The following NSD2 variants were observed in gnomAD, a reference collection of about 807,000 sequenced individuals.
NSD2 encodes the protein histone-lysine N-methyltransferase NSD2.
In NSD2, 12 loss-of-function variants were observed where a neutral mutation model predicts 139.0. That is an observed-to-expected ratio of 0.09 (90% CI 0.06 to 0.14). NSD2 has a LOEUF of 0.14. Among genes scored for constraint, NSD2 ranks in the 10% least tolerant of loss-of-function variants. The pLI is 1.00. For missense variants in NSD2, 1,155 were observed against 1,745.0 expected (o/e 0.66, Z 6.02); for synonymous variants, 669 against 648.7 (o/e 1.03, Z -0.48).
At chr4:1,941,726 A>G (rs1014509466) in intron 9 of NSD2, 1 of 1,047,358 alleles carries the variant, frequency 9.5e-7, no homozygotes, top group Non-Finnish European at 1.2e-6. Flanking sequence ...TTTCCATTAA[A>G]CTACTTTTGT....
chr4:1,979,433 G>GT lies in NSD2; in HGVS notation c.*525dup, dbSNP rs1278473859. 7 of 233,536 alleles carry GT rather than the reference G, an allele frequency of 3.0e-5. No homozygotes were observed. The highest frequency in any genetic ancestry group is 5.9e-5 in the Non-Finnish European group (7 of 118,344). The allele number at this position is 233,536 out of a possible 1,614,324, so 14.5% of individuals were successfully genotyped here. ...ATTACTCTGCTCTTTGGAAATGGCT[G>GT]TATCATTTTTTTGTACTAATGTGAA... On this transcript the variant is annotated 3_prime_UTR_variant, in exon 22 of 22. Coordinates refer to ENST00000508803, the MANE Select transcript of NSD2 (RefSeq NM_001042424.3).
chr4:1,872,774 G>A (rs1372386302), intron 1 of NSD2, among the ~76,000 whole-genome samples: 1 of 152,050 alleles, frequency 6.6e-6, no homozygotes, highest in Non-Finnish European at 1.5e-5. Context: ...CATCACGCAT[G>A]GGTTATATTC....
intron 1 of NSD2, among the ~76,000 whole-genome samples, chr4:1,881,847 G>GC (rs1396423483): frequency 2.0e-5 from 3 of 152,214 alleles, no homozygotes; most frequent in African/African-American, 7.2e-5. Context: ...AGACACTAGA[G>GC]CAGGGAGCAG....
Position 1,918,125 on chromosome 4 carries a change from C to G in NSD2, c.928-16C>G. ...TTGTGTAGTGAAACTTACAGTGTCT[C>G]TTTTTTTTTTCCCAGCTATTGAAAC... On this transcript the variant is annotated splice_polypyrimidine_tract_variant and intron_variant, in intron 4 of 21. Transcript: ENST00000508803. 6.8e-7 allele frequency: 1 copy of G among 1,467,852 alleles called. No homozygotes were observed. Among genetic ancestry groups the G allele is most frequent in the Non-Finnish European group, 9.3e-7 (1 of 1,079,970 alleles). 90.9% of individuals were successfully genotyped at this position (1,467,852 alleles called of 1,614,324 possible). A position where few individuals can be genotyped will look rare whatever the true frequency, so the allele number is the denominator to read the frequency against.
rs947924710 is a variant in NSD2 at position 1,976,144 on chromosome 4, G to A, written c.3622-331G>A. On this transcript the variant is annotated intron_variant, in intron 20 of 21. Coordinates refer to ENST00000508803, the MANE Select transcript of NSD2 (RefSeq NM_001042424.3). The surrounding 1 kb of genome is among the most constrained non-coding windows in gnomAD (Gnocchi z 5.3). Reference sequence around the variant, plus strand: ...TGAGGAGACCCTGGGTGGCGGGCGGGAGCTGTTCTGCCTGTGGTGGCCTCC... The same window carrying A: ...TGAGGAGACCCTGGGTGGCGGGCGGAAGCTGTTCTGCCTGTGGTGGCCTCC... 6.6e-6 allele frequency among the ~76,000 whole-genome samples: 1 copy of A among 152,200 alleles called. No individual in the cohort carries two copies. The highest frequency in any genetic ancestry group is 2.4e-5 in the African/African-American group (1 of 41,458).
chr4:1,955,056 C>G lies in NSD2; in HGVS notation c.2339-105C>G, dbSNP rs1053030011. On this transcript the variant is annotated intron_variant, in intron 12 of 21. Transcript: ENST00000508803. This position sits in a 1 kb window ranked among gnomAD's most constrained non-coding sequence, Gnocchi z 4.7. ...ATCAAATACCTCCATTTCATTTTAG[C>G]ATTAACTTTTCAAATTCATGGAGGC... 2 of 1,216,100 alleles carry G rather than the reference C, an allele frequency of 1.6e-6. No individual in the cohort carries two copies. Among genetic ancestry groups the G allele is most frequent in the African/African-American group, 1.5e-5 (1 of 66,172 alleles). The allele number at this position is 1,216,100 out of a possible 1,614,324, so 75.3% of individuals were successfully genotyped here.
chr4:1,883,908 C>T (rs1235788416), intron 1 of NSD2, among the ~76,000 whole-genome samples: 1 of 152,194 alleles, frequency 6.6e-6, no homozygotes, highest in Non-Finnish European at 1.5e-5. Flanking sequence ...TGGTTTTCTA[C>T]ACAGTAGCCT....
chr4:1,910,060 A>G (rs939147608), intron 3 of NSD2, among the ~76,000 whole-genome samples: 3 of 152,200 alleles, frequency 2.0e-5, no homozygotes, highest in Non-Finnish European at 2.9e-5. Context: ...GCAAAAGTGA[A>G]CATAACTCAT....
rs199570116 is a variant in NSD2, at chr4:1,942,372, T to G, written c.1881+2594T>G. The G allele has an allele frequency of 1.1e-4, 173 of 1,613,850 alleles. No homozygotes were observed. The highest frequency in any genetic ancestry group is 1.3e-4 in the Non-Finnish European group (158 of 1,179,996). On this transcript the variant is annotated intron_variant, in intron 9 of 21. Transcript: ENST00000508803. The surrounding 1 kb of genome is among the most constrained non-coding windows in gnomAD (Gnocchi z 4.0). ...GGAGCCCACACCAGTCAAGTTGGAT[T>G]TGAACCCAGCTGCTCTGTACTGCAC...
intron 7 of NSD2, among the ~76,000 whole-genome samples, chr4:1,936,529 G>A (rs1274388961): frequency 6.6e-6 from 1 of 151,908 alleles, no homozygotes; most frequent in African/African-American, 2.4e-5. Flanking sequence ...AAATTAGTCG[G>A]GTGTGGTGGT....
chr4:1,978,106 G>A (rs1477202848), intron 21 of NSD2, among the ~76,000 whole-genome samples: 4 of 152,072 alleles, frequency 2.6e-5, no homozygotes, highest in African/African-American at 4.8e-5. Context: ...CAGCCTGGGC[G>A]ACAGAGCTAG....
At chr4:1,959,371 G>A in intron 16 of NSD2, 100 bp from the exon 17 acceptor site, 1 of 1,440,666 alleles carries the variant, frequency 6.9e-7, no homozygotes, top group Admixed American at 1.9e-5. Flanking sequence ...CTTTCTAAAA[G>A]GCCACCTGGA....
chr4:1,946,975 C>G (rs1723701573), intron 9 of NSD2: 2 of 1,062,020 alleles, frequency 1.9e-6, no homozygotes, highest in Non-Finnish European at 2.3e-6. Context: ...TTGAAGCATG[C>G]TGACCATCCA....
chr4:1,936,454 T>A (rs1237178899), intron 7 of NSD2, among the ~76,000 whole-genome samples: 1 of 152,110 alleles, frequency 6.6e-6, no homozygotes, highest in Non-Finnish European at 1.5e-5. Flanking sequence ...GTGGATCACC[T>A]GAGGTCAGGA....
intron 9 of NSD2, 28 bp downstream of exon 9, chr4:1,939,806 TG>T: frequency 6.2e-7 from 1 of 1,614,098 alleles, no homozygotes; most frequent in East Asian, 2.2e-5. Flanking sequence ...ACGATAACCA[TG>T]GCATTGGTAT....
In NSD2 at chr4:1,938,546, C is replaced by T. The variant is rs768921269; in HGVS notation, c.1756+14C>T. 2.0e-5 allele frequency: 32 copies of T among 1,595,990 alleles called. No homozygotes were observed. Among genetic ancestry groups the T allele is most frequent in the Middle Eastern group, 2.0e-4 (1 of 5,010 alleles). On this transcript the variant is annotated intron_variant, in intron 8 of 21. Coordinates refer to ENST00000508803, the MANE Select transcript of NSD2 (RefSeq NM_001042424.3). The stretch of plus-strand genomic sequence containing the variant: ...AGAGCCAGGCAGGTAATGTGGTCAG[C>T]GCCCTTTCCTTCTTGGCTTCTGGGT...
chr4:1,938,441 T>TTTTTTTTTTTTTTTTTTTTTTTTTTA lies in NSD2; in HGVS notation c.1675-10_1675-9insTTTTTTTTTTTTTTTTTTTTTTTTTA. On this transcript the variant is annotated splice_polypyrimidine_tract_variant and intron_variant, in intron 7 of 21. Coordinates refer to ENST00000508803, the MANE Select transcript of NSD2 (RefSeq NM_001042424.3). The stretch of plus-strand genomic sequence containing the variant: ...CTTTTTTTTTTTTTTTTTTTTTTTT[T>TTTTTTTTTTTTTTTTTTTTTTTTTTA]AAATAATAGAGAGACACAATCACTG... 1 of 1,091,092 alleles carries TTTTTTTTTTTTTTTTTTTTTTTTTTA rather than the reference T, an allele frequency of 9.2e-7. No homozygotes were observed. The highest frequency in any genetic ancestry group is 1.3e-6 in the Non-Finnish European group (1 of 780,466). 67.6% of individuals were successfully genotyped at this position (1,091,092 alleles called of 1,614,324 possible).
At chr4:1,945,492 T>A in intron 9 of NSD2, 5 of 1,063,796 alleles carry the variant, frequency 4.7e-6, no homozygotes, top group Non-Finnish European at 5.7e-6. Flanking sequence ...AGCATCTAGT[T>A]CCAAAACCAA....
rs745670398 is a variant in NSD2 at position 1,948,757 on chromosome 4, C to T, written c.1882-2315C>T. 6.7e-5 allele frequency: 70 copies of T among 1,046,656 alleles called. No homozygotes were observed. The highest frequency in any genetic ancestry group is 7.8e-5 in the Non-Finnish European group (68 of 866,658). The allele number at this position is 1,046,656 out of a possible 1,614,324, so 64.8% of individuals were successfully genotyped here. On this transcript the variant is annotated intron_variant, in intron 9 of 21. Coordinates refer to ENST00000508803, the MANE Select transcript of NSD2 (RefSeq NM_001042424.3). The surrounding 1 kb of genome is among the most constrained non-coding windows in gnomAD (Gnocchi z 4.5). Reference sequence around the variant, plus strand: ...ACTTTGTTAATGTAGGAAATCTCTCCAAGTGGAAACGTGCTAACTTTTTCT... The same window carrying T: ...ACTTTGTTAATGTAGGAAATCTCTCTAAGTGGAAACGTGCTAACTTTTTCT...
Sources: gnomAD v4.1 joint callset for allele counts (sites outside exome capture counted in the v4.1 genomes callset) on GRCh38, gnomAD v4.1.1 for gene constraint, Gnocchi (gnomAD v3.1) non-coding constraint, MANE v1.5 for transcripts, NCBI Gene and HGNC (gene_info 2026-07-23, HGNC 2026-07-21) for gene names.